RPL32: variants seen among roughly 807,000 people sequenced by gnomAD.
The protein encoded by RPL32 is large ribosomal subunit protein eL32.
For synonymous variants in RPL32, 61 were observed against 62.6 expected, an observed-to-expected ratio of 0.98 and a Z score of 0.12; for missense variants, 117 against 173.7, an observed-to-expected ratio of 0.67 and a Z score of 1.83.
chr3:12,839,171 T>G, intron 3 of RPL32, 178 bp downstream of exon 3: 1 of 641,664 alleles, frequency 1.6e-6, no homozygotes, highest in East Asian at 2.7e-5. Context: ...AGGAAACACC[T>G]TGAATTCCCC....
Position 12,836,072 on chromosome 3 carries a change from A to G in RPL32, c.*22T>C. 1 of 1,609,238 alleles carries G rather than the reference A, an allele frequency of 6.2e-7. No individual in the cohort carries two copies. Among genetic ancestry groups the G allele is most frequent in the Non-Finnish European group, 8.5e-7 (1 of 1,179,410 alleles). ...TGGCAGTTTTTACATTTATTTAAAC[A>G]GAAAACGTGCACATGAGCTGCCTAC... On this transcript the variant is annotated 3_prime_UTR_variant, in exon 4 of 4. Coordinates refer to ENST00000429711, the MANE Select transcript of RPL32 (RefSeq NM_000994.4).
At chr3:12,839,990 A>C in intron 2 of RPL32, 152 bp downstream of exon 2, 1 of 722,078 alleles carries the variant, frequency 1.4e-6, no homozygotes, top group South Asian at 1.6e-5. Context: ...AAGTACCAGC[A>C]CTAGGGCACA....
intron 3 of RPL32, 162 bp downstream of exon 3, chr3:12,839,187 G>C: frequency 3.0e-6 from 2 of 666,586 alleles, no homozygotes; most frequent in Non-Finnish European, 5.3e-6. Context: ...TCCCCAACAA[G>C]CATTCTCTAA....
intron 2 of RPL32, 132 bp downstream of exon 2, chr3:12,840,010 A>G (rs1559564677): frequency 3.9e-6 from 3 of 769,548 alleles, no homozygotes; most frequent in Non-Finnish European, 6.9e-6. Context: ...ACTGGGGGAG[A>G]CCTGTATTTC....
At position 12,840,522 on chromosome 3, in the gene RPL32, C is replaced by T. The variant is rs1043179219; in HGVS notation, c.-5-280G>A. 2.1e-5 allele frequency: 12 copies of T among 565,934 alleles called. 1 individual carries two copies. Among genetic ancestry groups the T allele is most frequent in the South Asian group, 1.3e-4 (9 of 71,128 alleles). 35.1% of individuals were successfully genotyped at this position (565,934 alleles called of 1,614,324 possible). A position where few individuals can be genotyped will look rare whatever the true frequency, so the allele number is the denominator to read the frequency against. ...GCAAATCAAAACTGACCCCAAGACA[C>T]TCTCAATTTGCAAGGGGCAGCAAAT... On this transcript the variant is annotated intron_variant, in intron 1 of 3. Coordinates refer to ENST00000429711, the MANE Select transcript of RPL32 (RefSeq NM_000994.4).
Position 12,835,378 on chromosome 3 carries a change from C to T in RPL32, c.*716G>A, listed in dbSNP as rs1462930786. On this transcript the variant is annotated 3_prime_UTR_variant, in exon 4 of 4. Transcript: ENST00000429711. Reference sequence around the variant, plus strand: ...GCTGTAGTCAGTGTGCCACTGCACTCCCAGCCTGGGTGAGAGCAAGACCCC... The same window carrying T: ...GCTGTAGTCAGTGTGCCACTGCACTTCCAGCCTGGGTGAGAGCAAGACCCC... 1 of 152,176 alleles carries T rather than the reference C, an allele frequency of 6.6e-6. No homozygotes were observed. The highest frequency in any genetic ancestry group is 1.5e-5 in the Non-Finnish European group (1 of 68,094). 9.4% of individuals were successfully genotyped at this position (152,176 alleles called of 1,614,324 possible).
intron 3 of RPL32, among the ~76,000 whole-genome samples, chr3:12,838,841 TTTGA>T (rs1399153730): frequency 6.6e-6 from 1 of 152,186 alleles, no homozygotes; most frequent in Non-Finnish European, 1.5e-5. Flanking sequence ...CTTATGTGTA[TTTGA>T]TTGATGTCTC....
At chr3:12,837,498 G>T (rs1177289257) in intron 3 of RPL32, among the ~76,000 whole-genome samples, 13 of 152,244 alleles carry the variant, frequency 8.5e-5, no homozygotes, top group Admixed American at 4.6e-4. Flanking sequence ...GAGTAATCAT[G>T]TTGGCCATAC....
Position 12,839,337 on chromosome 3 carries a change from GA to G in RPL32, c.278+11del. 6.2e-7 allele frequency: 1 copy of G among 1,613,494 alleles called. No individual in the cohort carries two copies. The highest frequency in any genetic ancestry group is 8.5e-7 in the Non-Finnish European group (1 of 1,179,432). ...TCTGATCACTGAAAACTAGAGGTGGGACCCAACTCACTTGTTGCACATCAGC... is the reference window on the plus strand; with the variant it reads ...TCTGATCACTGAAAACTAGAGGTGGGCCCAACTCACTTGTTGCACATCAGC... On this transcript the variant is annotated intron_variant, in intron 3 of 3. Coordinates refer to ENST00000429711, the MANE Select transcript of RPL32 (RefSeq NM_000994.4).
chr3:12,841,570 G>C (rs1168278681), upstream of RPL32: 1 of 152,150 alleles, frequency 6.6e-6, no homozygotes, highest in Non-Finnish European at 1.5e-5. Context: ...AGGGCTGATG[G>C]GTCGTAACCC....
chr3:12,836,051 A>G lies in RPL32; in HGVS notation c.*43T>C. On this transcript the variant is annotated 3_prime_UTR_variant, in exon 4 of 4. Transcript: ENST00000429711. ...TCAAGGAAGGAAGATGCCAGATGGC[A>G]GTTTTTACATTTATTTAAACAGAAA... 1 of 1,602,276 alleles carries G rather than the reference A, an allele frequency of 6.2e-7. No individual in the cohort carries two copies. Among genetic ancestry groups the G allele is most frequent in the East Asian group, 2.2e-5 (1 of 44,798 alleles).
rs574534517 is a variant in RPL32 at position 12,838,934 on chromosome 3, T to C, written c.278+415A>G. ...TATTCTTAGGGTCTCCCAAGGGCTGTGTCACGGGCCATGGTCAACTCATAT... is the reference window on the plus strand; with the variant it reads ...TATTCTTAGGGTCTCCCAAGGGCTGCGTCACGGGCCATGGTCAACTCATAT... On this transcript the variant is annotated intron_variant, in intron 3 of 3. Coordinates refer to ENST00000429711, the MANE Select transcript of RPL32 (RefSeq NM_000994.4). 6 of 257,834 alleles carry C rather than the reference T, an allele frequency of 2.3e-5. No individual in the cohort carries two copies. In the East Asian group the frequency reaches 6.2e-4, roughly 26 times the overall value. 16.0% of individuals were successfully genotyped at this position (257,834 alleles called of 1,614,324 possible).
intron 3 of RPL32, 113 bp from the exon 4 acceptor site, chr3:12,836,336 T>C: frequency 7.6e-7 from 1 of 1,316,664 alleles, no homozygotes; most frequent in East Asian, 2.4e-5. Flanking sequence ...GCTTGGTAAG[T>C]GGCTGTGGAA....
chr3:12,837,075 C>T lies in RPL32; in HGVS notation c.279-852G>A, dbSNP rs528841475. Among the ~76,000 whole-genome samples, 5 of 152,308 alleles carry T rather than the reference C, an allele frequency of 3.3e-5. No homozygotes were observed. The East Asian group carries it at 5.8e-4, about 18-fold the overall frequency. On this transcript the variant is annotated intron_variant, in intron 3 of 3. Transcript: ENST00000429711. ...GCAATTGTATTTTTAAATGTTTCTA[C>T]GTTTTAAAGACTTAGGTTATATTAC...
chr3:12,834,597 A>C lies in RPL32; in HGVS notation c.*1497T>G, dbSNP rs2062084492. On this transcript the variant is annotated 3_prime_UTR_variant, in exon 4 of 4. Transcript: ENST00000429711. ...TGGACAGGCTTGGACCTCATGTTTC[A>C]TTTCTAATTTCAAAATACTTATTAG... 6.6e-6 allele frequency: 1 copy of C among 152,458 alleles called. No individual in the cohort carries two copies. Among genetic ancestry groups the C allele is most frequent in the African/African-American group, 2.4e-5 (1 of 41,418 alleles). The allele number at this position is 152,458 out of a possible 1,614,324, so 9.4% of individuals were successfully genotyped here. A position where few individuals can be genotyped will look rare whatever the true frequency, so the allele number is the denominator to read the frequency against.
chr3:12,840,271 G>C, intron 1 of RPL32, 29 bp from the exon 2 acceptor site: 3 of 1,514,354 alleles, frequency 2.0e-6, no homozygotes, highest in South Asian at 2.2e-5. Flanking sequence ...CCCCAGGTGA[G>C]GAAGAATCCT....
intron 3 of RPL32, among the ~76,000 whole-genome samples, chr3:12,837,949 C>T (rs927123500): frequency 2.6e-5 from 4 of 152,208 alleles, no homozygotes; most frequent in African/African-American, 9.6e-5. Context: ...ACACCTAGAA[C>T]TAGCTGGGTG....
rs7627602 is a variant in RPL32 at position 12,840,258 on chromosome 3, C to A, written c.-5-16G>T. On this transcript the variant is annotated splice_polypyrimidine_tract_variant and intron_variant, in intron 1 of 3. Coordinates refer to ENST00000429711, the MANE Select transcript of RPL32 (RefSeq NM_000994.4). ...GCCATGATGCCTTTTGGGGAAGAAG[C>A]GGCCCCAGGTGAGGAAGAATCCTGG... 7.6e-6 allele frequency: 12 copies of A among 1,583,628 alleles called. No homozygotes were observed. Among genetic ancestry groups the A allele is most frequent in the Middle Eastern group, 1.7e-4 (1 of 6,034 alleles).
chr3:12,839,905 C>G (rs906866080), intron 2 of RPL32, among the ~76,000 whole-genome samples: 5 of 152,198 alleles, frequency 3.3e-5, no homozygotes, highest in African/African-American at 1.2e-4. Context: ...GACACAAATG[C>G]AAAGCCCTCT....
Sources: allele counts gnomAD v4.1 joint callset (sites outside exome capture counted in the v4.1 genomes callset), GRCh38; gene constraint gnomAD v4.1.1; transcripts MANE v1.5; gene names NCBI Gene and HGNC (gene_info 2026-07-23, HGNC 2026-07-21).